The following MALRD1 variants were observed in gnomAD, a reference collection of about 807,000 sequenced individuals.
The protein encoded by MALRD1 is MAM and LDL receptor class A domain containing 1, also known as MAM and LDL-receptor class A domain-containing protein 1.
A neutral mutation model predicts 242.1 loss-of-function variants in MALRD1; 247 were observed. That is an observed-to-expected ratio of 1.02 (90% CI 0.92 to 1.13). The LOEUF (loss-of-function observed/expected upper bound fraction) is 1.13, where lower values mean the gene tolerates loss of function less well. Ranked by LOEUF, MALRD1 falls within the 50% of genes most tolerant of loss-of-function variation. MALRD1 has a pLI of 0.00. For synonymous variants in MALRD1, 995 were observed against 866.6 expected (o/e 1.15, Z -2.60); for missense variants, 2,989 against 2,533.1 (o/e 1.18, Z -3.86).
intron 19 of MALRD1, 85 bp from the exon 20 acceptor site, chr10:19,279,962 A>T: frequency 9.1e-7 from 1 of 1,102,652 alleles, no homozygotes; most frequent in Non-Finnish European, 1.2e-6. Flanking sequence ...GGGCATATTT[A>T]GAAAGCTTCA....
At chr10:19,521,519 C>T (rs1393274302) in intron 31 of MALRD1, among the ~76,000 whole-genome samples, 1 of 152,152 alleles carries the variant, frequency 6.6e-6, no homozygotes, top group Non-Finnish European at 1.5e-5. Context: ...TCCACACCTT[C>T]CTTGGTGCCC....
rs979765702 is a variant in MALRD1, at chr10:19,692,153, T to A, written c.6138-129T>A. Reference sequence around the variant, plus strand: ...CTTTGGCTTAAAGTTTTTGGTTTTTTATCAAAGTTATCCATGTTCCTAGTA... The same window carrying A: ...CTTTGGCTTAAAGTTTTTGGTTTTTAATCAAAGTTATCCATGTTCCTAGTA... On this transcript the variant is annotated intron_variant, in intron 36 of 39. Transcript: ENST00000454679. 1.8e-5 allele frequency: 13 copies of A among 717,570 alleles called. No individual in the cohort carries two copies. The Admixed American group carries it at 4.0e-4, about 22-fold the overall frequency. The allele number at this position is 717,570 out of a possible 1,614,324, so 44.5% of individuals were successfully genotyped here. A position where few individuals can be genotyped will look rare whatever the true frequency, so the allele number is the denominator to read the frequency against.
intron 32 of MALRD1, among the ~76,000 whole-genome samples, chr10:19,559,115 A>G (rs1173928138): frequency 1.3e-5 from 2 of 151,936 alleles, no homozygotes; most frequent in South Asian, 2.1e-4. Context: ...CCTGGGAGGC[A>G]AAAGTTGCAG....
At chr10:19,570,664 A>G (rs1477944550) in intron 33 of MALRD1, among the ~76,000 whole-genome samples, 1 of 152,094 alleles carries the variant, frequency 6.6e-6, no homozygotes, top group Non-Finnish European at 1.5e-5. Flanking sequence ...TCTAAATAAT[A>G]CAAGAGTCTG....
chr10:19,142,515 G>A (rs1211994958), intron 10 of MALRD1, among the ~76,000 whole-genome samples: 1 of 152,106 alleles, frequency 6.6e-6, no homozygotes, highest in Non-Finnish European at 1.5e-5. Context: ...GGTTAAATAT[G>A]CAAGAGAAAG....
chr10:19,054,011 CTGTT>C (rs1367734109), intron 1 of MALRD1, among the ~76,000 whole-genome samples: 1 of 152,012 alleles, frequency 6.6e-6, no homozygotes, highest in Non-Finnish European at 1.5e-5. Flanking sequence ...GGTCTAATAA[CTGTT>C]TGGGTCTAGT....
At chr10:19,057,363 T>C (rs984562743) in intron 1 of MALRD1, among the ~76,000 whole-genome samples, 3 of 152,088 alleles carry the variant, frequency 2.0e-5, no homozygotes, top group African/African-American at 7.2e-5. Context: ...TGCCTTCTTA[T>C]TGAGACCTCA....
intron 13 of MALRD1, among the ~76,000 whole-genome samples, chr10:19,166,925 T>A: frequency 6.6e-6 from 1 of 152,232 alleles, no homozygotes; most frequent in East Asian, 1.9e-4. Flanking sequence ...GCTAAGTGAC[T>A]GTGTAAATAT....
chr10:19,672,163 T>C (rs1841950935), intron 36 of MALRD1, among the ~76,000 whole-genome samples: 1 of 152,094 alleles, frequency 6.6e-6, no homozygotes, highest in African/African-American at 2.4e-5. Context: ...GTGTTACACA[T>C]TAAAGACCAT....
intron 19 of MALRD1, among the ~76,000 whole-genome samples, chr10:19,259,549 T>C (rs913107683): frequency 1.3e-5 from 2 of 152,162 alleles, no homozygotes; most frequent in Admixed American, 6.5e-5. Context: ...GTAAGACTTA[T>C]TCACTTTCAC....
At chr10:19,115,787 A>G (rs1836851139) in intron 5 of MALRD1, among the ~76,000 whole-genome samples, 1 of 152,118 alleles carries the variant, frequency 6.6e-6, no homozygotes, top group African/African-American at 2.4e-5. Flanking sequence ...GAGACGGGAG[A>G]ATCGCTTGAA....
chr10:19,106,438 C>A (rs992676922), intron 5 of MALRD1, among the ~76,000 whole-genome samples: 1 of 151,734 alleles, frequency 6.6e-6, no homozygotes, highest in Non-Finnish European at 1.5e-5. Context: ...TATGGTTGTT[C>A]ATAATGGTCT....
intron 26 of MALRD1, among the ~76,000 whole-genome samples, chr10:19,353,935 A>T (rs1167184296): frequency 6.6e-6 from 1 of 151,896 alleles, no homozygotes; most frequent in African/African-American, 2.4e-5. Context: ...TATGTTGGCC[A>T]GGCTGGTCTG....
intron 5 of MALRD1, among the ~76,000 whole-genome samples, chr10:19,111,320 G>A (rs1404478705): frequency 6.6e-6 from 1 of 152,148 alleles, no homozygotes; most frequent in Admixed American, 6.5e-5. Flanking sequence ...AATTTTTAAG[G>A]TAATTGTTCT....
intron 21 of MALRD1, among the ~76,000 whole-genome samples, chr10:19,319,041 G>A (rs1180262732): frequency 1.3e-5 from 2 of 151,184 alleles, no homozygotes; most frequent in African/African-American, 4.9e-5. Context: ...TACAAAGAAA[G>A]CAATCAATAA....
rs189090724 is a variant in MALRD1, at chr10:19,261,317, T to C, written c.3079+3546T>C. Among the ~76,000 whole-genome samples, 31 of 152,258 alleles carry C rather than the reference T, an allele frequency of 2.0e-4. 1 individual carries two copies. The highest frequency in any genetic ancestry group is 1.7e-3 in the Admixed American group (26 of 15,282). On this transcript the variant is annotated intron_variant, in intron 19 of 39. Transcript: ENST00000454679. The stretch of plus-strand genomic sequence containing the variant: ...GAAAAACTGTAGGAGCTGTGTTTTT[T>C]TGCAATGGCATAACAAAATAAACTA...
At chr10:19,549,355 A>G (rs1835381713) in intron 32 of MALRD1, among the ~76,000 whole-genome samples, 1 of 152,210 alleles carries the variant, frequency 6.6e-6, no homozygotes, top group African/African-American at 2.4e-5. Flanking sequence ...GCTATCAAAT[A>G]GCATCATTTG....
At chr10:19,720,533 G>C (rs1041642886) in intron 38 of MALRD1, among the ~76,000 whole-genome samples, 3 of 152,028 alleles carry the variant, frequency 2.0e-5, no homozygotes, top group African/African-American at 7.2e-5. Context: ...TTGATTTCTA[G>C]AATCTTAAAG....
At chr10:19,481,813 A>G (rs932570066) in intron 29 of MALRD1, among the ~76,000 whole-genome samples, 1 of 152,102 alleles carries the variant, frequency 6.6e-6, no homozygotes, top group Admixed American at 6.6e-5. Context: ...AAGGTCATCA[A>G]CAATTTATAT....
Sources: gnomAD v4.1 joint callset for allele counts (sites outside exome capture counted in the v4.1 genomes callset) on GRCh38, gnomAD v4.1.1 for gene constraint, MANE v1.5 for transcripts, NCBI Gene and HGNC (gene_info 2026-07-23, HGNC 2026-07-21) for gene names.